Variants in SPATA31C1 observed in about 807,000 individuals in gnomAD.
The protein encoded by SPATA31C1 is SPATA31 subfamily C member 1.
exon 3 of SPATA31C1, chr9:87,919,292 G>A (rs766510421): frequency 1.3e-6 from 2 of 1,589,168 alleles, no homozygotes; most frequent in South Asian, 2.3e-5. Context: ...GTCTCCCAGT[G>A]TCCAACAGGG....
intron 3 of SPATA31C1, 50 bp downstream of exon 2, chr9:87,919,398 G>A: frequency 6.3e-7 from 1 of 1,596,346 alleles, no homozygotes; most frequent in Non-Finnish European, 8.5e-7. Flanking sequence ...CATCTGTCCG[G>A]GAGGGAACTG....
exon 5 of SPATA31C1, chr9:87,922,707 A>T: frequency 1.2e-6 from 2 of 1,607,426 alleles, no homozygotes. Context: ...CAGAAGGAGT[A>T]ACATGGGGCA....
chr9:87,913,946 TC>T (rs1828682456), upstream of SPATA31C1, among the ~76,000 whole-genome samples: 1 of 95,446 alleles, frequency 1.0e-5, no homozygotes. Flanking sequence ...GGACTCCGTC[TC>T]AAAAAAATAA....
intron 1 of SPATA31C1, among the ~76,000 whole-genome samples, chr9:87,916,641 T>TA (rs1439469911): frequency 1.4e-5 from 2 of 140,896 alleles, no homozygotes; most frequent in Admixed American, 7.1e-5. Flanking sequence ...AATGAGAAAA[T>TA]AAAAAAACTT....
At chr9:87,920,277 G>A (rs1828816033) in exon 5 of SPATA31C1, 2 of 1,613,758 alleles carry the variant, frequency 1.2e-6, no homozygotes, top group Non-Finnish European at 1.7e-6. Flanking sequence ...CCTTGAAAAA[G>A]GTGACTTTGG....
chr9:87,916,701 T>C (rs2117972894), intron 1 of SPATA31C1, among the ~76,000 whole-genome samples: 1 of 126,198 alleles, frequency 7.9e-6, no homozygotes, highest in East Asian at 2.2e-4. Flanking sequence ...AGAGAGACAT[T>C]AAAATAAGAC....
At chr9:87,920,385 A>G in exon 5 of SPATA31C1, 20 of 1,613,876 alleles carry the variant, frequency 1.2e-5, no homozygotes, top group Non-Finnish European at 1.7e-5. Context: ...TGCTGCTCCC[A>G]TTGTCTCCCC....
At chr9:87,919,191 G>A (rs188899298) in intron 2 of SPATA31C1, 64 bp from the exon 2 acceptor site, 58 of 1,594,702 alleles carry the variant, frequency 3.6e-5, no homozygotes, top group African/African-American at 1.1e-4. Context: ...TGAGTGCAGC[G>A]TGCTGCGGCT....
chr9:87,920,825 C>T (rs754250700), exon 5 of SPATA31C1: 3 of 1,613,724 alleles, frequency 1.9e-6, no homozygotes, highest in South Asian at 1.1e-5. Context: ...GCATCTTCAA[C>T]TCGTCAGTCC....
At chr9:87,921,848 T>C (rs1828880627) in exon 5 of SPATA31C1, 15 of 1,612,068 alleles carry the variant, frequency 9.3e-6, no homozygotes, top group Non-Finnish European at 1.3e-5. Context: ...TTGAGCTGTG[T>C]ACTCAGCAGG....
At position 87,919,354 on chromosome 9, in the gene SPATA31C1, G is replaced by T; in HGVS notation, n.580+6G>T. ...GAAAAACCACAGTCTGAGAGGTAAG[G>T]CTCTGCCAGGGCACACTAGAGTTAA... On this transcript the variant is annotated splice_donor_region_variant and intron_variant and non_coding_transcript_variant, in intron 3 of 4. Transcript: ENST00000420021. The T allele has an allele frequency of 6.2e-7, 1 of 1,602,462 alleles. No homozygotes were observed. Among genetic ancestry groups the T allele is most frequent in the South Asian group, 1.1e-5 (1 of 90,706 alleles).
chr9:87,922,555 T>G (rs1828902811), exon 5 of SPATA31C1: 1 of 1,610,372 alleles, frequency 6.2e-7, no homozygotes, highest in Non-Finnish European at 8.5e-7. Context: ...TCTGCCGCTG[T>G]TGTGCTCCTT....
At position 87,916,880 on chromosome 9, in the gene SPATA31C1, C is replaced by T. The variant is rs1279672498; in HGVS notation, n.190-967C>T. 2.8e-5 allele frequency among the ~76,000 whole-genome samples: 2 copies of T among 70,484 alleles called. 1 individual carries two copies. Among genetic ancestry groups the T allele is most frequent in the East Asian group, 1.1e-3 (2 of 1,792 alleles). The allele number at this position is 70,484 out of a possible 152,430, so 46.2% of individuals were successfully genotyped here. A position where few individuals can be genotyped will look rare whatever the true frequency, so the allele number is the denominator to read the frequency against. On this transcript the variant is annotated intron_variant and non_coding_transcript_variant, in intron 1 of 4. Transcript: ENST00000420021. ...GGCGTGGTAGCACATGCCTGTAGTC[C>T]CAGCTACTCGGGAGGCTGAGGCAGG...
intron 1 of SPATA31C1, among the ~76,000 whole-genome samples, chr9:87,915,300 T>C (rs868422453): frequency 0.011 from 1,439 of 130,648 alleles, 9 homozygotes; most frequent in African/African-American, 0.039. Context: ...CCTGTGTGTG[T>C]GCGTGTGTGT....
chr9:87,920,337 G>C, exon 5 of SPATA31C1: 1 of 1,613,976 alleles, frequency 6.2e-7, no homozygotes, highest in Non-Finnish European at 8.5e-7. Flanking sequence ...AAGAACACCT[G>C]ATGGAGCCTC....
At chr9:87,922,520 G>C in exon 5 of SPATA31C1, 8 of 1,610,806 alleles carry the variant, frequency 5.0e-6, no homozygotes, top group Non-Finnish European at 6.8e-6. Context: ...GAATGGCCAC[G>C]AAGTCAGAGA....
At chr9:87,920,502 C>G in exon 5 of SPATA31C1, 1 of 1,613,962 alleles carries the variant, frequency 6.2e-7, no homozygotes, top group Non-Finnish European at 8.5e-7. Context: ...CTCCCAGCCA[C>G]CAGAACCTTC....
chr9:87,919,968 A>T (rs1334860468), exon 4 of SPATA31C1: 1 of 1,607,960 alleles, frequency 6.2e-7, no homozygotes, highest in East Asian at 2.2e-5. Context: ...TGCTTTCACA[A>T]CTGCAGAGGT....
chr9:87,921,887 G>A, exon 5 of SPATA31C1: 1 of 1,612,028 alleles, frequency 6.2e-7, no homozygotes, highest in Non-Finnish European at 8.5e-7. Flanking sequence ...TGAGGTTTTG[G>A]GCCAAACACA....
Sources: allele counts gnomAD v4.1 joint callset (sites outside exome capture counted in the v4.1 genomes callset), GRCh38; gene constraint gnomAD v4.1.1; transcripts MANE v1.5; gene names NCBI Gene and HGNC (gene_info 2026-07-23, HGNC 2026-07-21).